TPMT: variants seen among roughly 807,000 people sequenced by gnomAD.
TPMT encodes the protein S-adenosyl-L-methionine:thiopurine S-methyltransferase.
In TPMT, 18 loss-of-function variants were observed where a neutral mutation model predicts 34.2. That is an observed-to-expected ratio of 0.53 (90% confidence interval 0.36 to 0.78). The LOEUF is 0.78. TPMT is among the 30% of genes least tolerant of loss of function. The pLI, the probability that TPMT is intolerant of heterozygous loss-of-function variation, is 0.00. For missense variants in TPMT, 265 were observed against 288.1 expected (o/e 0.92, Z 0.58); for synonymous variants, 69 against 92.4 (o/e 0.75, Z 1.45).
Position 18,132,274 on chromosome 6 carries a change from C to T in TPMT, c.581-97G>A. The T allele has an allele frequency of 8.6e-7, 1 of 1,161,060 alleles. No homozygotes were observed. The highest frequency in any genetic ancestry group is 1.3e-6 in the Non-Finnish European group (1 of 785,114). The allele number at this position is 1,161,060 out of a possible 1,614,324, so 71.9% of individuals were successfully genotyped here. ...ATTATCCAAATAGGTGATGATGTGG[C>T]ATGTTCTTCTCATTCTTCTTTTGCA... On this transcript the variant is annotated intron_variant, in intron 7 of 8. Coordinates refer to ENST00000309983, the MANE Select transcript of TPMT (RefSeq NM_000367.5). This position sits in a 1 kb window ranked among gnomAD's most constrained non-coding sequence, Gnocchi z 4.8.
chr6:18,141,876 A>G (rs796670942), intron 4 of TPMT, among the ~76,000 whole-genome samples: 10 of 152,292 alleles, frequency 6.6e-5, no homozygotes, highest in South Asian at 2.1e-4. Context: ...GCAGACATAG[A>G]TGCCGGCAGT....
Position 18,130,702 on chromosome 6 carries a change from A to T in TPMT, c.704T>A (p.Leu235His). The change falls in exon 9 of 9, where the codon CTT (leucine) becomes CAT (histidine). Residue 235 changes from leucine (L) to histidine (H), a missense_variant. Leu to His is a moderately conservative substitution (Grantham distance 99). Transcript: ENST00000309983. This position sits in a 1 kb window ranked among gnomAD's most constrained non-coding sequence, Gnocchi z 4.2. ...ERHKSWGIDCLFEKLYLLTEK is the reference protein window; with the variant it reads ...ERHKSWGIDCHFEKLYLLTEK Reference sequence around the variant, plus strand: ...TGTAAGTAGATATAACTTTTCAAAAAGACAGTCAATTCCCCAACTTTTATG... The same window carrying T: ...TGTAAGTAGATATAACTTTTCAAAATGACAGTCAATTCCCCAACTTTTATG... 1 of 1,612,818 alleles carries T rather than the reference A, an allele frequency of 6.2e-7. No individual in the cohort carries two copies. Among genetic ancestry groups the T allele is most frequent in the Non-Finnish European group, 8.5e-7 (1 of 1,179,778 alleles).
rs1289729697 is a variant in TPMT, at chr6:18,143,143, C to T, written c.366+453G>A. 6.6e-6 allele frequency among the ~76,000 whole-genome samples: 1 copy of T among 152,168 alleles called. No individual in the cohort carries two copies. The highest frequency in any genetic ancestry group is 2.4e-5 in the African/African-American group (1 of 41,440). ...ACCGCCAGGTTGGGCAGGTAACTCCCATCTCTTCCCTTAATACCCTGTGTC... is the reference window on the plus strand; with the variant it reads ...ACCGCCAGGTTGGGCAGGTAACTCCTATCTCTTCCCTTAATACCCTGTGTC... On this transcript the variant is annotated intron_variant, in intron 4 of 8. Coordinates refer to ENST00000309983, the MANE Select transcript of TPMT (RefSeq NM_000367.5). This position sits in a 1 kb window ranked among gnomAD's most constrained non-coding sequence, Gnocchi z 6.1.
intron 1 of TPMT, among the ~76,000 whole-genome samples, chr6:18,152,881 T>G (rs1461835400): frequency 1.3e-5 from 2 of 152,154 alleles, no homozygotes; most frequent in South Asian, 4.1e-4. Context: ...TTGTGCCTGA[T>G]AAGAGATCAC....
Position 18,146,180 on chromosome 6 carries a change from C to A in TPMT, c.233+1643G>T, listed in dbSNP as rs115368110. ...GTAGCTCAGTTCATATATATATATA[C>A]ATAAAAATAACTGTATTTACGTATA... On this transcript the variant is annotated intron_variant, in intron 3 of 8. Coordinates refer to ENST00000309983, the MANE Select transcript of TPMT (RefSeq NM_000367.5). The surrounding 1 kb of genome is among the most constrained non-coding windows in gnomAD (Gnocchi z 6.2). 6.6e-6 allele frequency among the ~76,000 whole-genome samples: 1 copy of A among 151,156 alleles called. No individual in the cohort carries two copies. Among genetic ancestry groups the A allele is most frequent in the South Asian group, 2.1e-4 (1 of 4,794 alleles).
chr6:18,130,854 A>C lies in TPMT; in HGVS notation c.626-74T>G, dbSNP rs971803586. 19 of 1,327,952 alleles carry C rather than the reference A, an allele frequency of 1.4e-5. No individual in the cohort carries two copies. The highest frequency in any genetic ancestry group is 1.7e-5 in the Non-Finnish European group (16 of 929,028). 82.3% of individuals were successfully genotyped at this position (1,327,952 alleles called of 1,614,324 possible). ...AGGGATTCTTTTAAAAATACTCAAA[A>C]TTGGCTGGGTGCGGTGGCTCACACC... On this transcript the variant is annotated intron_variant, in intron 8 of 8. Transcript: ENST00000309983. The surrounding 1 kb of genome is among the most constrained non-coding windows in gnomAD (Gnocchi z 4.2).
At chr6:18,141,474 G>A (rs1185906890) in intron 4 of TPMT, among the ~76,000 whole-genome samples, 1 of 151,860 alleles carries the variant, frequency 6.6e-6, no homozygotes. Flanking sequence ...AGAGTAGCTA[G>A]GATTATAGGT....
In TPMT at chr6:18,153,647, C is replaced by A. The variant is rs1003050037; in HGVS notation, c.-45+1386G>T. Among the ~76,000 whole-genome samples, 1 of 152,188 alleles carries A rather than the reference C, an allele frequency of 6.6e-6. No individual in the cohort carries two copies. On this transcript the variant is annotated intron_variant, in intron 1 of 8. Coordinates refer to ENST00000309983, the MANE Select transcript of TPMT (RefSeq NM_000367.5). This position sits in a 1 kb window ranked among gnomAD's most constrained non-coding sequence, Gnocchi z 4.2. The stretch of plus-strand genomic sequence containing the variant: ...TTGTTGACAAATGGCTTCTGCAAGA[C>A]CCTGATGGTATCAGGAGGTGACTCT...
chr6:18,139,681 T>TA lies in TPMT; in HGVS notation c.402dup (p.Ile135TyrfsTer3). On this transcript the variant is annotated frameshift_variant, in exon 5 of 9. Transcript: ENST00000309983. LOFTEE classifies it high-confidence loss of function. The surrounding 1 kb of genome is among the most constrained non-coding windows in gnomAD (Gnocchi z 4.2). ...TCAACCTACCTGGGAAGATCAAAAA[T>TA]ACTGCAACAGTACAATGAAATGTTC... The TA allele has an allele frequency of 6.2e-7, 1 of 1,613,506 alleles. No individual in the cohort carries two copies. The highest frequency in any genetic ancestry group is 1.1e-5 in the South Asian group (1 of 91,042).
Position 18,148,090 on chromosome 6 carries a change from T to C in TPMT, c.141-175A>G, listed in dbSNP as rs562651161. Among the ~76,000 whole-genome samples the C allele has an allele frequency of 5.3e-4, 80 of 152,312 alleles. 1 individual carries two copies. The highest frequency in any genetic ancestry group is 5.2e-4 in the Admixed American group (8 of 15,300). On this transcript the variant is annotated intron_variant, in intron 2 of 8. Coordinates refer to ENST00000309983, the MANE Select transcript of TPMT (RefSeq NM_000367.5). The surrounding 1 kb of genome is among the most constrained non-coding windows in gnomAD (Gnocchi z 4.1). ...CTTGCTCAGACACACACCCAGTCAGTGGTAAATCTGACTTACACCCAGGGC... is the reference window on the plus strand; with the variant it reads ...CTTGCTCAGACACACACCCAGTCAGCGGTAAATCTGACTTACACCCAGGGC...
In TPMT at chr6:18,143,748, T is replaced by G. The variant is rs771180689; in HGVS notation, c.234-20A>C. On this transcript the variant is annotated intron_variant, in intron 3 of 8. Transcript: ENST00000309983. The surrounding 1 kb of genome is among the most constrained non-coding windows in gnomAD (Gnocchi z 6.1). ...GCAAACCTGCATAAAATCATACATT[T>G]ACACTTAAATTATGTTTTCAAATGA... 3.7e-6 allele frequency: 6 copies of G among 1,613,678 alleles called. No individual in the cohort carries two copies. Among genetic ancestry groups the G allele is most frequent in the Middle Eastern group, 3.3e-4 (2 of 6,058 alleles).
chr6:18,128,444 G>C lies in TPMT; in HGVS notation c.*2224C>G, dbSNP rs189910406. 6.6e-6 allele frequency: 1 copy of C among 152,272 alleles called. No homozygotes were observed. The highest frequency in any genetic ancestry group is 6.5e-5 in the Admixed American group (1 of 15,294). The allele number at this position is 152,272 out of a possible 1,614,324, so 9.4% of individuals were successfully genotyped here. A position where few individuals can be genotyped will look rare whatever the true frequency, so the allele number is the denominator to read the frequency against. On this transcript the variant is annotated 3_prime_UTR_variant, in exon 9 of 9. Transcript: ENST00000309983. The surrounding 1 kb of genome is among the most constrained non-coding windows in gnomAD (Gnocchi z 4.6). Reference sequence around the variant, plus strand: ...TTACATAAATGATCAACTACCTAAGGATATCTCATTTGTATTTAAGATTCT... The same window carrying C: ...TTACATAAATGATCAACTACCTAAGCATATCTCATTTGTATTTAAGATTCT...
chr6:18,132,270 G>A lies in TPMT; in HGVS notation c.581-93C>T. 1 of 1,201,408 alleles carries A rather than the reference G, an allele frequency of 8.3e-7. No individual in the cohort carries two copies. The highest frequency in any genetic ancestry group is 1.5e-5 in the African/African-American group (1 of 66,570). 74.4% of individuals were successfully genotyped at this position (1,201,408 alleles called of 1,614,324 possible). A position where few individuals can be genotyped will look rare whatever the true frequency, so the allele number is the denominator to read the frequency against. On this transcript the variant is annotated intron_variant, in intron 7 of 8. Coordinates refer to ENST00000309983, the MANE Select transcript of TPMT (RefSeq NM_000367.5). The surrounding 1 kb of genome is among the most constrained non-coding windows in gnomAD (Gnocchi z 4.8). ...CTTCATTATCCAAATAGGTGATGAT[G>A]TGGCATGTTCTTCTCATTCTTCTTT...
At position 18,143,804 on chromosome 6, in the gene TPMT, A is replaced by G; in HGVS notation, c.234-76T>C. The G allele has an allele frequency of 6.4e-7, 1 of 1,557,406 alleles. No individual in the cohort carries two copies. The highest frequency in any genetic ancestry group is 1.4e-5 in the African/African-American group (1 of 73,148). On this transcript the variant is annotated intron_variant, in intron 3 of 8. Coordinates refer to ENST00000309983, the MANE Select transcript of TPMT (RefSeq NM_000367.5). This position sits in a 1 kb window ranked among gnomAD's most constrained non-coding sequence, Gnocchi z 6.1. Reference sequence around the variant, plus strand: ...TAGAGGGTTATATTAGAGTAAGCATATATTTTCTTTAATTTAGAGGAATTT... The same window carrying G: ...TAGAGGGTTATATTAGAGTAAGCATGTATTTTCTTTAATTTAGAGGAATTT...
chr6:18,152,512 C>G (rs1394167385), intron 1 of TPMT, among the ~76,000 whole-genome samples: 3 of 151,970 alleles, frequency 2.0e-5, no homozygotes, highest in Non-Finnish European at 4.4e-5. Flanking sequence ...TGAAAAAAGA[C>G]ATGTACAATG....
At position 18,138,055 on chromosome 6, in the gene TPMT, C is replaced by T. The variant is rs1194949901; in HGVS notation, c.494+908G>A. 6.6e-6 allele frequency among the ~76,000 whole-genome samples: 1 copy of T among 152,208 alleles called. No individual in the cohort carries two copies. The highest frequency in any genetic ancestry group is 1.5e-5 in the Non-Finnish European group (1 of 68,034). On this transcript the variant is annotated intron_variant, in intron 6 of 8. Transcript: ENST00000309983. The surrounding 1 kb of genome is among the most constrained non-coding windows in gnomAD (Gnocchi z 4.1). ...TTGGCCTCCCAAAGTGCTAGGATTA[C>T]AGGCGTGAGCCACCACACCCGGCCA...
rs1158446027 is a variant in TPMT at position 18,135,955 on chromosome 6, T to C, written c.495-2066A>G. On this transcript the variant is annotated intron_variant, in intron 6 of 8. Coordinates refer to ENST00000309983, the MANE Select transcript of TPMT (RefSeq NM_000367.5). This position sits in a 1 kb window ranked among gnomAD's most constrained non-coding sequence, Gnocchi z 5.0. The stretch of plus-strand genomic sequence containing the variant: ...GCAGTTCACTTCTTCCATTCATTTA[T>C]TTAAACAACATTTATTAAGCTCTTA... 6.6e-6 allele frequency among the ~76,000 whole-genome samples: 1 copy of C among 152,194 alleles called. No homozygotes were observed. Among genetic ancestry groups the C allele is most frequent in the Non-Finnish European group, 1.5e-5 (1 of 68,030 alleles).
Position 18,139,674 on chromosome 6 carries a change from T to C in TPMT, c.410A>G (p.Asp137Gly). 1.2e-6 allele frequency: 2 copies of C among 1,613,352 alleles called. No individual in the cohort carries two copies. Among genetic ancestry groups the C allele is most frequent in the South Asian group, 2.2e-5 (2 of 91,040 alleles). ...NISLYCCSIF[D>G]LPRTNIGKFD... is the part of the protein sequence containing the mutation. ...GTAGTATTCAACCTACCTGGGAAGA[T>C]CAAAAATACTGCAACAGTACAATGA... The change falls in exon 5 of 9, where the codon GAT (aspartate) becomes GGT (glycine). Residue 137 changes from aspartate (D) to glycine (G), a missense_variant. Physicochemically the swap from Asp to Gly is moderately conservative, Grantham distance 94 (BLOSUM62 -1). Transcript: ENST00000309983. The surrounding 1 kb of genome is among the most constrained non-coding windows in gnomAD (Gnocchi z 4.2).
chr6:18,149,484 TC>T lies in TPMT; in HGVS notation c.-44-314del, dbSNP rs1421607064. On this transcript the variant is annotated intron_variant, in intron 1 of 8. Transcript: ENST00000309983. The surrounding 1 kb of genome is among the most constrained non-coding windows in gnomAD (Gnocchi z 5.0). ...CTTTCTTTCCTTGTTTTTTTTTTTTTCAGAGACAAGGTCTTGCTCTGTCACC... is the reference window on the plus strand; with the variant it reads ...CTTTCTTTCCTTGTTTTTTTTTTTTTAGAGACAAGGTCTTGCTCTGTCACC... 1.3e-5 allele frequency among the ~76,000 whole-genome samples: 2 copies of T among 151,444 alleles called. No homozygotes were observed. Among genetic ancestry groups the T allele is most frequent in the Admixed American group, 6.6e-5 (1 of 15,194 alleles).
Sources: gnomAD v4.1 joint callset for allele counts (sites outside exome capture counted in the v4.1 genomes callset) on GRCh38, gnomAD v4.1.1 for gene constraint, Gnocchi (gnomAD v3.1) non-coding constraint, MANE v1.5 for transcripts, NCBI Gene and HGNC (gene_info 2026-07-23, HGNC 2026-07-21) for gene names.